The following ZFHX3 variants were observed in gnomAD, a reference collection of about 807,000 sequenced individuals.
ZFHX3 encodes zinc finger homeobox 3.
In ZFHX3, 42 loss-of-function variants were observed where a neutral mutation model predicts 279.1. The ratio of observed to expected loss-of-function variants is 0.15; its 90% confidence interval spans 0.12 to 0.19. The LOEUF (loss-of-function observed/expected upper bound fraction) is 0.19. Ranked by LOEUF, ZFHX3 falls within the 10% of genes least tolerant of loss-of-function variation. ZFHX3 has a pLI of 1.00. For missense variants in ZFHX3, 4,981 were observed against 4,754.0 expected, an observed-to-expected ratio of 1.05 and a Z score of -1.40; for synonymous variants, 2,293 against 1,957.8, an observed-to-expected ratio of 1.17 and a Z score of -4.52.
intron 3 of ZFHX3, among the ~76,000 whole-genome samples, chr16:73,328,187 G>A (rs929035865): frequency 1.2e-4 from 18 of 152,158 alleles, no homozygotes; most frequent in Non-Finnish European, 2.1e-4. Flanking sequence ...TCTGTAGTGC[G>A]TATTATAATC....
intron 2 of ZFHX3, among the ~76,000 whole-genome samples, chr16:73,468,461 C>G (rs550712374): frequency 6.6e-6 from 1 of 152,126 alleles, no homozygotes; most frequent in Non-Finnish European, 1.5e-5. Flanking sequence ...ATTAGCTAGG[C>G]GTGGTGGCTC....
rs1437204921 is a variant in ZFHX3 at position 73,631,927 on chromosome 16, T to TCTCTCTCACACA, written c.-1547+48252_-1547+48253insTGTGTGAGAGAG. 1.4e-3 allele frequency among the ~76,000 whole-genome samples: 195 copies of TCTCTCTCACACA among 136,810 alleles called. 1 individual carries two copies. The highest frequency in any genetic ancestry group is 5.5e-3 in the African/African-American group (188 of 34,430). The allele number at this position is 136,810 out of a possible 152,430, so 89.8% of individuals were successfully genotyped here. On this transcript the variant is annotated intron_variant, in intron 2 of 17. Coordinates refer to the ZFHX3 transcript ENST00000641206. ...CTCTCTCTCTCTCTCTCTCTCTCTC[T>TCTCTCTCACACA]CACACACACACACACACACACACAC...
At chr16:72,936,218 T>A (rs922838255) in intron 3 of ZFHX3, among the ~76,000 whole-genome samples, 2 of 152,168 alleles carry the variant, frequency 1.3e-5, no homozygotes, top group African/African-American at 4.8e-5. Flanking sequence ...CTCTACCTTA[T>A]GAAATGCCAA....
At chr16:73,807,176 C>T (rs910022906) in intron 1 of ZFHX3, among the ~76,000 whole-genome samples, 2 of 152,124 alleles carry the variant, frequency 1.3e-5, no homozygotes, top group African/African-American at 2.4e-5. Context: ...GTGGATGCCT[C>T]TATTATCATA....
chr16:73,142,985 T>C (rs73593201), intron 6 of ZFHX3, among the ~76,000 whole-genome samples: 2,801 of 152,270 alleles, frequency 0.018, 84 homozygotes, highest in African/African-American at 0.063. Flanking sequence ...TTTGGTCTCT[T>C]CTTTCAGGTG....
At chr16:73,663,391 C>T (rs780527528) in intron 2 of ZFHX3, among the ~76,000 whole-genome samples, 2 of 152,220 alleles carry the variant, frequency 1.3e-5, no homozygotes, top group Non-Finnish European at 2.9e-5. Flanking sequence ...ACCTTGACCA[C>T]CTCCACTCCC....
intron 1 of ZFHX3, among the ~76,000 whole-genome samples, chr16:73,705,021 T>A (rs2142220427): frequency 6.6e-6 from 1 of 152,290 alleles, no homozygotes; most frequent in South Asian, 2.1e-4. Flanking sequence ...CATAACATCA[T>A]TGAGTATGGA....
At chr16:72,902,122 A>AG (rs1245429000) in intron 3 of ZFHX3, among the ~76,000 whole-genome samples, 1 of 152,184 alleles carries the variant, frequency 6.6e-6, no homozygotes, top group Non-Finnish European at 1.5e-5. Context: ...AATTGCAGGA[A>AG]GGGGGGATCA....
intron 4 of ZFHX3, among the ~76,000 whole-genome samples, chr16:73,280,144 G>A (rs1299611538): frequency 6.6e-6 from 1 of 152,150 alleles, no homozygotes; most frequent in South Asian, 2.1e-4. Flanking sequence ...AGACTTAAAT[G>A]TAAGACCTGA....
At chr16:72,859,099 T>TC (rs2037821092) in intron 4 of ZFHX3, among the ~76,000 whole-genome samples, 1 of 152,198 alleles carries the variant, frequency 6.6e-6, no homozygotes, top group African/African-American at 2.4e-5. Flanking sequence ...TTGATTGGAC[T>TC]CCTCCAACCA....
intron 1 of ZFHX3, among the ~76,000 whole-genome samples, chr16:73,818,001 T>A (rs908570942): frequency 1.3e-5 from 2 of 152,150 alleles, no homozygotes; most frequent in Non-Finnish European, 2.9e-5. Context: ...TTAATAAAAG[T>A]GTGACTTATA....
intron 1 of ZFHX3, among the ~76,000 whole-genome samples, chr16:73,788,388 G>C (rs1275541571): frequency 3.3e-5 from 5 of 152,204 alleles, no homozygotes; most frequent in East Asian, 1.9e-4. Flanking sequence ...TTATATAAGA[G>C]ACTTCGTGTC....
chr16:73,610,908 G>C (rs1416385576), intron 2 of ZFHX3, among the ~76,000 whole-genome samples: 1 of 152,188 alleles, frequency 6.6e-6, no homozygotes, highest in Non-Finnish European at 1.5e-5. Flanking sequence ...TCAGGGCTTA[G>C]GACAGCACCG....
At chr16:73,274,334 T>C (rs1036118484) in intron 4 of ZFHX3, among the ~76,000 whole-genome samples, 5 of 152,238 alleles carry the variant, frequency 3.3e-5, no homozygotes, top group African/African-American at 1.2e-4. Context: ...TTCATATTTG[T>C]TTGGTCAGCA....
intron 1 of ZFHX3, among the ~76,000 whole-genome samples, chr16:73,824,104 C>A (rs556897565): frequency 1.3e-5 from 2 of 152,246 alleles, no homozygotes; most frequent in South Asian, 4.1e-4. Context: ...TAGAAAAACA[C>A]TAAATAAACA....
chr16:73,356,873 A>G (rs2016350331), intron 3 of ZFHX3, among the ~76,000 whole-genome samples: 1 of 148,420 alleles, frequency 6.7e-6, no homozygotes, highest in Admixed American at 6.8e-5. Context: ...ATGGGAGTAC[A>G]CTAGGCCTGT....
chr16:73,168,622 C>T (rs1242601519), intron 5 of ZFHX3, among the ~76,000 whole-genome samples: 3 of 152,146 alleles, frequency 2.0e-5, no homozygotes, highest in African/African-American at 7.2e-5. Flanking sequence ...CTCTTCTCTC[C>T]ATTCTCTCCA....
At chr16:73,352,630 C>A (rs2016268294) in intron 3 of ZFHX3, among the ~76,000 whole-genome samples, 1 of 151,876 alleles carries the variant, frequency 6.6e-6, no homozygotes, top group African/African-American at 2.4e-5. Context: ...CAGGCATGTG[C>A]CACCACGCCA....
At chr16:72,839,569 A>G (rs2037292085) in intron 4 of ZFHX3, among the ~76,000 whole-genome samples, 1 of 152,168 alleles carries the variant, frequency 6.6e-6, no homozygotes, top group Admixed American at 6.5e-5. Context: ...ACTGAGAAAG[A>G]GAGGAGGATG....
Sources: gnomAD v4.1 joint callset for allele counts (sites outside exome capture counted in the v4.1 genomes callset) on GRCh38, gnomAD v4.1.1 for gene constraint, MANE v1.5 for transcripts, NCBI Gene and HGNC (gene_info 2026-07-23, HGNC 2026-07-21) for gene names.